The following CTNNA3 variants were observed in gnomAD, a reference collection of about 807,000 sequenced individuals.
The protein encoded by CTNNA3 is catenin alpha 3.
CTNNA3 carries 76 observed loss-of-function variants against 95.7 expected under a neutral mutation model. That is an observed-to-expected ratio of 0.79 (90% confidence interval 0.66 to 0.96). The LOEUF (loss-of-function observed/expected upper bound fraction) is 0.96, where lower values mean the gene tolerates loss of function less well. CTNNA3 is among the 40% of genes least tolerant of loss of function. The pLI is 0.00. For missense variants in CTNNA3, 1,191 were observed against 1,089.8 expected (o/e 1.09, Z -1.31); for synonymous variants, 431 against 374.4 (o/e 1.15, Z -1.74).
At chr10:67,147,733 C>CT (rs973031907) in intron 7 of CTNNA3, among the ~76,000 whole-genome samples, 8 of 152,038 alleles carry the variant, frequency 5.3e-5, no homozygotes, top group Admixed American at 4.6e-4. Context: ...TAATCAGGCT[C>CT]TTTTTTTTCT....
At chr10:66,084,818 T>A (rs892132054) in intron 14 of CTNNA3, 1 of 152,184 alleles carries the variant, frequency 6.6e-6, no homozygotes, top group African/African-American at 2.4e-5. Flanking sequence ...ATGTTATATA[T>A]CTATCATCTA....
rs528735887 is a variant in CTNNA3 at position 67,577,665 on chromosome 10, T to C, written c.292+29192A>G. On this transcript the variant is annotated intron_variant, in intron 3 of 17. Transcript: ENST00000433211. ...ATGTATGTGTATATATATACACACATATGTGTGTGTGTGTATGTGTATATA... is the reference window on the plus strand; with the variant it reads ...ATGTATGTGTATATATATACACACACATGTGTGTGTGTGTATGTGTATATA... 8.0e-5 allele frequency among the ~76,000 whole-genome samples: 12 copies of C among 150,408 alleles called. No homozygotes were observed. The South Asian group carries it at 2.4e-3, about 29-fold the overall frequency.
intron 11 of CTNNA3, among the ~76,000 whole-genome samples, chr10:66,455,935 T>C (rs1036986299): frequency 1.3e-5 from 2 of 152,126 alleles, no homozygotes; most frequent in African/African-American, 4.8e-5. Context: ...AACTATAAAC[T>C]GAAAGTTTAA....
At chr10:66,163,896 A>G (rs891084789) in intron 13 of CTNNA3, among the ~76,000 whole-genome samples, 6 of 152,218 alleles carry the variant, frequency 3.9e-5, no homozygotes, top group Admixed American at 2.0e-4. Context: ...ATGTGTAAAG[A>G]TCTTCAAATA....
intron 5 of CTNNA3, among the ~76,000 whole-genome samples, chr10:67,453,861 G>C (rs547249152): frequency 1.2e-4 from 18 of 152,120 alleles, no homozygotes; most frequent in South Asian, 6.2e-4. Context: ...ATGCAAAAGT[G>C]ATCAATCCCA....
chr10:66,060,764 A>G (rs2080178697), intron 15 of CTNNA3, among the ~76,000 whole-genome samples: 1 of 152,082 alleles, frequency 6.6e-6, no homozygotes, highest in Non-Finnish European at 1.5e-5. Context: ...TGAAGAGGAT[A>G]AAATGGTCTT....
At position 66,103,258 on chromosome 10, in the gene CTNNA3, A is replaced by G. The variant is rs766156283; in HGVS notation, c.1885-9T>C. 2.7e-5 allele frequency: 43 copies of G among 1,609,386 alleles called. No individual in the cohort carries two copies. Among genetic ancestry groups the G allele is most frequent in the Non-Finnish European group, 3.6e-5 (42 of 1,175,760 alleles). On this transcript the variant is annotated splice_polypyrimidine_tract_variant and intron_variant, in intron 13 of 17. Coordinates refer to ENST00000433211, the MANE Select transcript of CTNNA3 (RefSeq NM_013266.4). Reference sequence around the variant, plus strand: ...TCCAGTTCCTCTGGGGTCTATAAAAAGAAAGCAAAACATTGCTAGTGGGAA... The same window carrying G: ...TCCAGTTCCTCTGGGGTCTATAAAAGGAAAGCAAAACATTGCTAGTGGGAA...
intron 1 of CTNNA3, among the ~76,000 whole-genome samples, chr10:67,677,112 G>T (rs1840549794): frequency 6.6e-6 from 1 of 152,106 alleles, no homozygotes; most frequent in African/African-American, 2.4e-5. Context: ...GTGTTGACCA[G>T]CCCTGCAGCT....
intron 7 of CTNNA3, among the ~76,000 whole-genome samples, chr10:66,886,091 A>C (rs987475849): frequency 6.6e-6 from 1 of 152,142 alleles, no homozygotes; most frequent in Non-Finnish European, 1.5e-5. Context: ...GAACCAAAGG[A>C]GAGAAGAGAA....
intron 5 of CTNNA3, among the ~76,000 whole-genome samples, chr10:67,292,495 T>A (rs1839878232): frequency 1.3e-5 from 2 of 152,184 alleles, no homozygotes; most frequent in Non-Finnish European, 2.9e-5. Context: ...AATATACTGA[T>A]CTACTTCTCA....
At chr10:67,028,989 G>A (rs754157411) in intron 7 of CTNNA3, among the ~76,000 whole-genome samples, 2 of 152,022 alleles carry the variant, frequency 1.3e-5, no homozygotes, top group African/African-American at 2.4e-5. Context: ...CAATCATATC[G>A]CAACTCCCCA....
At chr10:66,152,510 A>G (rs2084257910) in intron 13 of CTNNA3, among the ~76,000 whole-genome samples, 1 of 151,920 alleles carries the variant, frequency 6.6e-6, no homozygotes, top group African/African-American at 2.4e-5. Context: ...TATAAAGAAA[A>G]CTAACAACAT....
intron 3 of CTNNA3, among the ~76,000 whole-genome samples, chr10:67,570,622 G>T (rs1841946503): frequency 2.0e-5 from 3 of 152,054 alleles, no homozygotes; most frequent in Non-Finnish European, 4.4e-5. Flanking sequence ...GGCTGTTTTG[G>T]TATTACATAC....
chr10:66,881,615 C>T (rs1844854081), intron 7 of CTNNA3, among the ~76,000 whole-genome samples: 1 of 152,018 alleles, frequency 6.6e-6, no homozygotes, highest in Non-Finnish European at 1.5e-5. Flanking sequence ...GTGCTGTTGT[C>T]ATTCTTGGGT....
rs557642127 is a variant in CTNNA3 at position 67,145,378 on chromosome 10, G to A, written c.1047+34939C>T. Among the ~76,000 whole-genome samples the A allele has an allele frequency of 2.2e-3, 327 of 151,890 alleles. 2 individuals carry two copies. Among genetic ancestry groups the A allele is most frequent in the African/African-American group, 7.4e-3 (308 of 41,446 alleles). Reference sequence around the variant, plus strand: ...AGAGTTGTTTGATGGGGTAGTAGGTGTGGAAACCTTGGTAATAAAGGAACT... The same window carrying A: ...AGAGTTGTTTGATGGGGTAGTAGGTATGGAAACCTTGGTAATAAAGGAACT... On this transcript the variant is annotated intron_variant, in intron 7 of 17. Coordinates refer to ENST00000433211, the MANE Select transcript of CTNNA3 (RefSeq NM_013266.4).
intron 7 of CTNNA3, among the ~76,000 whole-genome samples, chr10:67,045,688 C>G (rs531575560): frequency 6.6e-6 from 1 of 152,280 alleles, no homozygotes; most frequent in South Asian, 2.1e-4. Flanking sequence ...GATGGGGCGG[C>G]CCCCAGGCGG....
At chr10:67,162,710 A>G (rs1305485555) in intron 7 of CTNNA3, among the ~76,000 whole-genome samples, 1 of 151,920 alleles carries the variant, frequency 6.6e-6, no homozygotes, top group African/African-American at 2.4e-5. Flanking sequence ...TGAAATAAAA[A>G]AGCTTCTCTT....
At chr10:66,236,517 A>G (rs10762033) in intron 13 of CTNNA3, among the ~76,000 whole-genome samples, 54,803 of 151,980 alleles carry the variant, frequency 0.36, 10,235 homozygotes, top group East Asian at 0.46. Flanking sequence ...GTCACCTGTC[A>G]GTTTTTATAA....
At chr10:67,303,408 C>G (rs1840408222) in intron 5 of CTNNA3, among the ~76,000 whole-genome samples, 1 of 152,214 alleles carries the variant, frequency 6.6e-6, no homozygotes. Flanking sequence ...GGCGAGGGAA[C>G]CAGATAATTT....
Sources: allele counts gnomAD v4.1 joint callset (sites outside exome capture counted in the v4.1 genomes callset), GRCh38; gene constraint gnomAD v4.1.1; transcripts MANE v1.5; gene names NCBI Gene and HGNC (gene_info 2026-07-23, HGNC 2026-07-21).